LAMA1: variants seen among roughly 807,000 people sequenced by gnomAD.
LAMA1 encodes laminin subunit alpha 1.
A neutral mutation model predicts 348.7 loss-of-function variants in LAMA1; 219 were observed. The observed-to-expected ratio is 0.63, with a 90% CI of 0.56 to 0.70. The LOEUF is 0.70. Among genes scored for constraint, LAMA1 ranks in the 30% least tolerant of loss-of-function variants. The pLI, the probability that LAMA1 is intolerant of heterozygous loss-of-function variation, is 0.00. For missense variants in LAMA1, 3,744 were observed against 3,888.0 expected, an observed-to-expected ratio of 0.96 and a Z score of 0.99; for synonymous variants, 1,487 against 1,491.0, an observed-to-expected ratio of 1.00 and a Z score of 0.06.
In LAMA1 at chr18:7,032,171, G is replaced by A. The variant is rs1399046954; in HGVS notation, c.2169C>T (p.Cys723=). The A allele has an allele frequency of 1.2e-6, 2 of 1,609,284 alleles. No individual in the cohort carries two copies. The highest frequency in any genetic ancestry group is 1.1e-5 in the South Asian group (1 of 90,912). The change falls in exon 16 of 63, where the codon TGC becomes TGT. Residue 723 remains cysteine, a synonymous_variant. Coordinates refer to ENST00000389658, the MANE Select transcript of LAMA1 (RefSeq NM_005559.4). ...QGYTGTSCES[C]LSGYYRVDGI... is the part of the protein sequence containing the mutation. ...CATCCACGCGGTAATAGCCAGAGAGGCACGACTGCAAGAGAAGGGAAAGTC... is the reference window on the plus strand; with the variant it reads ...CATCCACGCGGTAATAGCCAGAGAGACACGACTGCAAGAGAAGGGAAAGTC...
intron 3 of LAMA1, among the ~76,000 whole-genome samples, chr18:7,065,061 G>A (rs372476945): frequency 3.3e-5 from 5 of 151,656 alleles, no homozygotes; most frequent in South Asian, 2.1e-4. Flanking sequence ...GTGAATCCTC[G>A]TCTCTACTAA....
intron 57 of LAMA1, 30 bp downstream of exon 57, chr18:6,955,323 G>GCC: frequency 6.5e-7 from 1 of 1,532,002 alleles, no homozygotes; most frequent in Admixed American, 1.7e-5. Flanking sequence ...GCAATGAGAC[G>GCC]CCGCATAAGG....
intron 12 of LAMA1, 34 bp downstream of exon 12, chr18:7,037,544 T>A (rs1234832499): frequency 2.5e-6 from 4 of 1,612,548 alleles, no homozygotes; most frequent in Non-Finnish European, 3.4e-6. Context: ...GAGATCTTCA[T>A]CTGAGACATC....
Position 6,986,241 on chromosome 18 carries a change from T to A in LAMA1, c.5275A>T (p.Asn1759Tyr), listed in dbSNP as rs369777673. ...AASHVLSKHN[N>Y]ELKAAEALVR... ...AGCGCCTCAGCCGCCTTTAGTTCAT[T>A]GTTGTGCTTTGAAAGGACGTGGCTT... Residue 1759 changes from asparagine to tyrosine, a missense_variant, in exon 37 of 63, where the codon AAT (asparagine) becomes TAT (tyrosine). This residue lies in a region of LAMA1 where 1,983 missense variants were observed against 1,934.3 expected (regional missense o/e 1.03). Transcript: ENST00000389658. 6 of 1,614,166 alleles carry A rather than the reference T, an allele frequency of 3.7e-6. No individual in the cohort carries two copies. Among genetic ancestry groups the A allele is most frequent in the Non-Finnish European group, 5.1e-6 (6 of 1,180,042 alleles).
At chr18:6,979,941 G>A (rs1223269026) in intron 42 of LAMA1, among the ~76,000 whole-genome samples, 1 of 152,150 alleles carries the variant, frequency 6.6e-6, no homozygotes, top group Non-Finnish European at 1.5e-5. Flanking sequence ...TCACCCACTG[G>A]AAAGAACCAC....
At chr18:6,994,425 T>C (rs2057771584) in intron 34 of LAMA1, among the ~76,000 whole-genome samples, 1 of 152,224 alleles carries the variant, frequency 6.6e-6, no homozygotes, top group Non-Finnish European at 1.5e-5. Flanking sequence ...CTGAGTTTGG[T>C]GTTTTCTAGT....
At chr18:6,965,862 G>A (rs1034359659) in intron 49 of LAMA1, 134 of 436,278 alleles carry the variant, frequency 3.1e-4, no homozygotes, top group Non-Finnish European at 8.2e-5. Flanking sequence ...ATTTGAGCTC[G>A]AAATTTAATA....
intron 32 of LAMA1, among the ~76,000 whole-genome samples, 175 bp downstream of exon 32, chr18:6,999,270 T>C (rs749315401): frequency 3.0e-4 from 46 of 152,094 alleles, no homozygotes; most frequent in Non-Finnish European, 4.4e-4. Flanking sequence ...GGAAAACACA[T>C]GATGAAAGGT....
intron 1 of LAMA1, among the ~76,000 whole-genome samples, chr18:7,084,228 T>C (rs1167504241): frequency 1.3e-5 from 2 of 151,854 alleles, no homozygotes; most frequent in Admixed American, 6.6e-5. Flanking sequence ...TTTTTTAAAG[T>C]CCCTAAGGTT....
chr18:7,075,935 TAA>T (rs34722026), intron 3 of LAMA1, among the ~76,000 whole-genome samples: 168 of 145,152 alleles, frequency 1.2e-3, no homozygotes, highest in Middle Eastern at 3.6e-3. Context: ...AGGCTCCATT[TAA>T]AAAAAAAAAA....
At chr18:6,964,579 G>T in intron 51 of LAMA1, 83 bp downstream of exon 51, 1 of 1,526,928 alleles carries the variant, frequency 6.5e-7, no homozygotes, top group Non-Finnish European at 9.1e-7. Context: ...AAGCCACCTG[G>T]TTTGTGATAC....
At chr18:7,001,861 T>A (rs1482272494) in intron 30 of LAMA1, among the ~76,000 whole-genome samples, 1 of 152,176 alleles carries the variant, frequency 6.6e-6, no homozygotes, top group Non-Finnish European at 1.5e-5. Flanking sequence ...AGGCACCAGC[T>A]TATATAAACT....
intron 1 of LAMA1, among the ~76,000 whole-genome samples, chr18:7,103,842 G>T (rs945753021): frequency 9.9e-4 from 150 of 151,224 alleles, no homozygotes; most frequent in Non-Finnish European, 1.2e-3. Context: ...TCCTGCCTGG[G>T]TGACCCACTG....
chr18:6,956,826 A>T, intron 55 of LAMA1, 61 bp from the exon 56 acceptor site: 1 of 1,552,516 alleles, frequency 6.4e-7, no homozygotes, highest in Non-Finnish European at 8.9e-7. Flanking sequence ...CCATGAACCC[A>T]AGTCATCTGA....
At chr18:7,011,742 T>C (rs889374733) in intron 24 of LAMA1, among the ~76,000 whole-genome samples, 6 of 152,328 alleles carry the variant, frequency 3.9e-5, no homozygotes, top group Middle Eastern at 3.4e-3. Flanking sequence ...TGCAGTTCTA[T>C]CTTCTCTCCA....
Position 7,023,196 on chromosome 18 carries a change from T to C in LAMA1, c.2669A>G (p.Tyr890Cys), listed in dbSNP as rs572059324. The change falls in exon 19 of 63, where the codon TAT (tyrosine) becomes TGT (cysteine). Residue 890 changes from tyrosine (Y) to cysteine (C), a missense_variant. Physicochemically the swap from Tyr to Cys is radical, Grantham distance 194 (BLOSUM62 -2). Transcript: ENST00000389658. ...GTTCTTGGCTGTCACAGCGTCCCCA[T>C]AGAACCCGTCAGCACACCTTTCACA... ...AHCERCADGFYGDAVTAKNCR... is the reference protein window; with the variant it reads ...AHCERCADGFCGDAVTAKNCR... 29 of 1,613,254 alleles carry C rather than the reference T, an allele frequency of 1.8e-5. No individual in the cohort carries two copies. The highest frequency in any genetic ancestry group is 2.2e-5 in the East Asian group (1 of 44,846).
intron 27 of LAMA1, 31 bp from the exon 28 acceptor site, chr18:7,008,639 G>A (rs776893952): frequency 5.6e-6 from 9 of 1,612,034 alleles, no homozygotes; most frequent in Admixed American, 1.7e-5. Context: ...GAGAGGAAAC[G>A]CTAACATTTG....
chr18:7,052,395 C>A (rs999427398), intron 3 of LAMA1, among the ~76,000 whole-genome samples: 1 of 151,334 alleles, frequency 6.6e-6, no homozygotes, highest in Admixed American at 6.6e-5. Context: ...TGCACCACTG[C>A]ACTCCAGCTT....
At chr18:7,008,014 C>T (rs2144109089) in intron 28 of LAMA1, among the ~76,000 whole-genome samples, 1 of 152,206 alleles carries the variant, frequency 6.6e-6, no homozygotes, top group Non-Finnish European at 1.5e-5. Flanking sequence ...CTCACTGCAG[C>T]CTTCACCTCC....
Sources: gnomAD v4.1 joint callset for allele counts (sites outside exome capture counted in the v4.1 genomes callset) on GRCh38, gnomAD v4.1.1 for gene constraint, gnomAD v4.1.1 regional missense constraint, MANE v1.5 for transcripts, NCBI Gene and HGNC (gene_info 2026-07-23, HGNC 2026-07-21) for gene names.